Variants in GPS2 observed in about 807,000 individuals in gnomAD.
The protein encoded by GPS2 is G protein pathway suppressor 2.
Under a neutral mutation model 48.1 loss-of-function variants are expected in GPS2, and 22 were observed. The observed-to-expected ratio is 0.46, with a 90% CI of 0.33 to 0.65. GPS2 has a LOEUF of 0.65. Among genes scored for constraint, GPS2 ranks in the 30% least tolerant of loss-of-function variants. GPS2 has a pLI of 0.03. For synonymous variants in GPS2, 202 were observed against 142.5 expected, an observed-to-expected ratio of 1.42 and a Z score of -2.98; for missense variants, 366 against 406.8, an observed-to-expected ratio of 0.90 and a Z score of 0.86.
Position 7,315,332 on chromosome 17 carries a change from C to A in GPS2, c.-69G>T, listed in dbSNP as rs1469783671. The A allele has an allele frequency of 2.6e-6, 1 of 389,580 alleles. No individual in the cohort carries two copies. The highest frequency in any genetic ancestry group is 4.5e-6 in the Non-Finnish European group (1 of 220,814). The allele number at this position is 389,580 out of a possible 1,614,324, so 24.1% of individuals were successfully genotyped here. A position where few individuals can be genotyped will look rare whatever the true frequency, so the allele number is the denominator to read the frequency against. ...AGCGCGGACGACTGCCCTTCCTACC[C>A]GCCTTCTCTGCGCTTTCTCAGCGGC... On this transcript the variant is annotated splice_region_variant and 5_prime_UTR_variant, in exon 1 of 11. Transcript: ENST00000380728.
chr17:7,314,903 T>C, intron 2 of GPS2, 56 bp downstream of exon 2: 1 of 1,535,684 alleles, frequency 6.5e-7, no homozygotes. Flanking sequence ...GAGGCCAGCC[T>C]TGAGGTACAG....
chr17:7,314,620 G>A (rs373387151), intron 2 of GPS2, 23 bp from the exon 3 acceptor site: 9 of 1,613,692 alleles, frequency 5.6e-6, no homozygotes, highest in South Asian at 1.1e-5. Flanking sequence ...GCAGAATGAA[G>A]AAGAGGCAGG....
In GPS2 at chr17:7,314,691, C is replaced by T. The variant is rs1019983907; in HGVS notation, c.95-94G>A. 8.8e-6 allele frequency: 14 copies of T among 1,592,222 alleles called. No homozygotes were observed. The African/African-American group carries it at 1.6e-4, about 18-fold the overall frequency. On this transcript the variant is annotated intron_variant, in intron 2 of 10. Transcript: ENST00000380728. ...CCAGCAAAACCCAGTCATCCCAACA[C>T]GCCTGTATGCTCTTTGCCTCGAGGG... is the stretch of plus-strand genomic sequence containing the variant.
At position 7,313,069 on chromosome 17, in the gene GPS2, G is replaced by A. The variant is rs750374798; in HGVS notation, c.860C>T (p.Ala287Val). ...QALHPAPGLLASPQLPVQMQP... is the reference protein window; with the variant it reads ...QALHPAPGLLVSPQLPVQMQP... ...CATCTGCACAGGGAGCTGGGGGGAA[G>A]CAAGGAGTCCAGGGGCTGGATGCAG... Residue 287 changes from alanine (A) to valine (V), a missense_variant, in exon 10 of 11, where the codon GCT becomes GTT. By Grantham distance (64) the Ala-to-Val change is moderately conservative. This residue lies in a region of GPS2 where 275 missense variants were observed against 282.3 expected (regional missense o/e 0.97). Coordinates refer to ENST00000380728, the MANE Select transcript of GPS2 (RefSeq NM_004489.5). The A allele has an allele frequency of 1.9e-6, 3 of 1,560,552 alleles. No homozygotes were observed. Among genetic ancestry groups the A allele is most frequent in the Non-Finnish European group, 2.6e-6 (3 of 1,151,650 alleles).
chr17:7,314,140 A>T lies in GPS2; in HGVS notation c.337T>A (p.Ser113Thr), dbSNP rs764303771. The change falls in exon 5 of 11, where the codon TCA becomes ACA. Residue 113 changes from serine to threonine, a missense_variant. Physicochemically the swap from Ser to Thr is moderately conservative, Grantham distance 58. This residue lies in a region of GPS2 where 275 missense variants were observed against 282.3 expected (regional missense o/e 0.97). Coordinates refer to ENST00000380728, the MANE Select transcript of GPS2 (RefSeq NM_004489.5). ...KEQSDLTTLT[S>T]AAYQQSLTVH... is the part of the protein sequence containing the mutation. ...GTCAGGCTCTGCTGGTATGCAGCTGATGTTAGGGTGGTCAGGTCACTGGAG... is the reference window on the plus strand; with the variant it reads ...GTCAGGCTCTGCTGGTATGCAGCTGTTGTTAGGGTGGTCAGGTCACTGGAG... 2 of 1,613,954 alleles carry T rather than the reference A, an allele frequency of 1.2e-6. No individual in the cohort carries two copies. Among genetic ancestry groups the T allele is most frequent in the Non-Finnish European group, 1.7e-6 (2 of 1,179,902 alleles).
chr17:7,315,056 G>A lies in GPS2; in HGVS notation c.-4C>T. On this transcript the variant is annotated 5_prime_UTR_variant, in exon 2 of 11. Transcript: ENST00000380728. ...GGCGCTCCAGGAGTGCGGGCATGGT[G>A]CTGCCGTGGGCGCTCGGGCCGTGGG... The A allele has an allele frequency of 6.3e-7, 1 of 1,583,920 alleles. No individual in the cohort carries two copies. The highest frequency in any genetic ancestry group is 8.6e-7 in the Non-Finnish European group (1 of 1,166,514).
chr17:7,313,272 A>G lies in GPS2; in HGVS notation c.744T>C (p.Gly248=), dbSNP rs1416554684. The stretch of plus-strand genomic sequence containing the variant: ...CCATCTGCTTTTGCAAGGACAGGGC[A>G]CCACCAGGCTGGAGGAAACCTAGGT... ...PTQTGFLQPG[G]ALSLQKQMEH... The change falls in exon 9 of 11, where the codon GGT becomes GGC. Residue 248 remains glycine (G), a synonymous_variant. Coordinates refer to ENST00000380728, the MANE Select transcript of GPS2 (RefSeq NM_004489.5). 4.3e-6 allele frequency: 7 copies of G among 1,614,020 alleles called. No individual in the cohort carries two copies. Among genetic ancestry groups the G allele is most frequent in the African/African-American group, 1.3e-5 (1 of 74,916 alleles).
Position 7,314,479 on chromosome 17 carries a change from A to G in GPS2, c.204+9T>C, listed in dbSNP as rs1389006893. The G allele has an allele frequency of 1.9e-6, 3 of 1,614,046 alleles. No individual in the cohort carries two copies. The highest frequency in any genetic ancestry group is 2.7e-5 in the African/African-American group (2 of 74,906). ...AATCAAAGCTGGGAAAGTTCAAGGG[A>G]CTGCTTACTTGTTCCTTGGTCTCCT... On this transcript the variant is annotated intron_variant, in intron 3 of 10. Transcript: ENST00000380728.
intron 2 of GPS2, 46 bp downstream of exon 2, chr17:7,314,913 G>A (rs372607972): frequency 3.9e-6 from 6 of 1,544,842 alleles, no homozygotes; most frequent in South Asian, 1.2e-5. Context: ...TTGAGGTACA[G>A]GAGCCATTCT....
intron 2 of GPS2, 78 bp from the exon 3 acceptor site, chr17:7,314,675 C>T (rs975413864): frequency 1.2e-6 from 2 of 1,603,176 alleles, no homozygotes. Flanking sequence ...ACCAGCAAAA[C>T]CCAGTCATCC....
Position 7,314,177 on chromosome 17 carries a change from C to T in GPS2, c.318-18G>A, listed in dbSNP as rs1397100459. ...TCAGGTCACTGGAGTGAAAGGAAGA[C>T]AGGTCAAAGTCAAGGACAGATGCCT... On this transcript the variant is annotated intron_variant, in intron 4 of 10. Coordinates refer to ENST00000380728, the MANE Select transcript of GPS2 (RefSeq NM_004489.5). 6.2e-7 allele frequency: 1 copy of T among 1,607,260 alleles called. No individual in the cohort carries two copies. Among genetic ancestry groups the T allele is most frequent in the Non-Finnish European group, 8.5e-7 (1 of 1,175,360 alleles).
chr17:7,313,087 G>T lies in GPS2; in HGVS notation c.842C>A (p.Pro281Gln), dbSNP rs778030372. ...GGGGGAAGCAAGGAGTCCAGGGGCT[G>T]GATGCAGAGCCTGGGGGTGCATGGG... ...LRPMHPQALH[P>Q]APGLLASPQL... Residue 281 changes from proline (P) to glutamine (Q), a missense_variant, in exon 10 of 11, where the codon CCA (proline) becomes CAA (glutamine). Around this residue, in one of 3 missense-constraint regions of GPS2, gnomAD observed 275 missense variants for 282.3 expected, o/e 0.97. Coordinates refer to ENST00000380728, the MANE Select transcript of GPS2 (RefSeq NM_004489.5). The T allele has an allele frequency of 1.2e-5, 19 of 1,575,084 alleles. No homozygotes were observed. The highest frequency in any genetic ancestry group is 1.6e-5 in the Non-Finnish European group (19 of 1,157,996).
intron 2 of GPS2, 93 bp downstream of exon 2, chr17:7,314,866 G>C (rs572199025): frequency 7.0e-7 from 1 of 1,435,828 alleles, no homozygotes; most frequent in East Asian, 2.5e-5. Context: ...GCGCTCGGCA[G>C]CGGGCGCGCT....
At position 7,312,842 on chromosome 17, in the gene GPS2, G is replaced by A. The variant is rs764963042; in HGVS notation, c.901-3C>T. 9.3e-6 allele frequency: 15 copies of A among 1,612,348 alleles called. No homozygotes were observed. The highest frequency in any genetic ancestry group is 2.2e-5 in the South Asian group (2 of 91,056). On this transcript the variant is annotated splice_polypyrimidine_tract_variant and splice_region_variant and intron_variant, in intron 10 of 10. Coordinates refer to ENST00000380728, the MANE Select transcript of GPS2 (RefSeq NM_004489.5). The stretch of plus-strand genomic sequence containing the variant: ...TGGCTGGTAGCTGCAAAGCCCGACT[G>A]GTGGTGGTGATGAAAAGAGGGCTTT...
chr17:7,314,816 C>T (rs2072915978), intron 2 of GPS2, 143 bp downstream of exon 2: 4 of 1,288,988 alleles, frequency 3.1e-6, no homozygotes, highest in Non-Finnish European at 4.4e-6. Context: ...GAACAGGACG[C>T]TTAAATCCCA....
At position 7,314,609 on chromosome 17, in the gene GPS2, G is replaced by A. The variant is rs200755120; in HGVS notation, c.95-12C>T. On this transcript the variant is annotated splice_polypyrimidine_tract_variant and intron_variant, in intron 2 of 10. Coordinates refer to ENST00000380728, the MANE Select transcript of GPS2 (RefSeq NM_004489.5). ...CACCTCTTCTTCCTCTGGAGAATCA[G>A]GCAGAATGAAGAAGAGGCAGGGTAG... 1 of 1,613,944 alleles carries A rather than the reference G, an allele frequency of 6.2e-7. No homozygotes were observed.
chr17:7,315,081 G>C lies in GPS2; in HGVS notation c.-29C>G. On this transcript the variant is annotated 5_prime_UTR_variant, in exon 2 of 11. Transcript: ENST00000380728. Reference sequence around the variant, plus strand: ...GCTGCCGTGGGCGCTCGGGCCGTGGGCGCCCGGCTGTCTCTGACTGCCAGA... The same window carrying C: ...GCTGCCGTGGGCGCTCGGGCCGTGGCCGCCCGGCTGTCTCTGACTGCCAGA... 1.3e-6 allele frequency: 2 copies of C among 1,538,798 alleles called. No individual in the cohort carries two copies. The highest frequency in any genetic ancestry group is 1.8e-6 in the Non-Finnish European group (2 of 1,141,618).
In GPS2 at chr17:7,313,060, TG is replaced by T; in HGVS notation, c.868del (p.Gln290SerfsTer55). 6.4e-7 allele frequency: 1 copy of T among 1,558,400 alleles called. No individual in the cohort carries two copies. Among genetic ancestry groups the T allele is most frequent in the Non-Finnish European group, 8.7e-7 (1 of 1,150,624 alleles). ...HPAPGLLASP[Q>X]LPVQMQPAGK... ...TGCTGGCTGCATCTGCACAGGGAGC[TG>T]GGGGGAAGCAAGGAGTCCAGGGGCT... is the stretch of plus-strand genomic sequence containing the variant. On this transcript the variant is annotated frameshift_variant, in exon 10 of 11. Transcript: ENST00000380728. LOFTEE classifies it high-confidence loss of function.
intron 4 of GPS2, 51 bp from the exon 5 acceptor site, chr17:7,314,210 T>C: frequency 6.3e-7 from 1 of 1,596,048 alleles, no homozygotes; most frequent in Non-Finnish European, 8.6e-7. Context: ...CCTTCTCTTT[T>C]GCCATTAAAC....
Sources: allele counts gnomAD v4.1 joint callset, GRCh38; gene constraint gnomAD v4.1.1; regional missense constraint gnomAD v4.1.1; transcripts MANE v1.5; gene names NCBI Gene and HGNC (gene_info 2026-07-23, HGNC 2026-07-21).